Variants in SYAP1 observed in about 807,000 individuals in gnomAD.
SYAP1 encodes synapse-associated protein 1.
A neutral mutation model predicts 29.6 loss-of-function variants in SYAP1; 3 were observed. The observed-to-expected ratio is 0.10, with a 90% CI of 0.05 to 0.26. The LOEUF (loss-of-function observed/expected upper bound fraction) is 0.26. Ranked by LOEUF, SYAP1 falls within the 10% of genes least tolerant of loss-of-function variation. SYAP1 has a pLI of 1.00. For missense variants in SYAP1, 217 were observed against 264.1 expected (o/e 0.82, Z 1.24); for synonymous variants, 102 against 102.7 (o/e 0.99, Z 0.04).
At chrX:16,744,190 C>G (rs1020117253) in intron 5 of SYAP1, among the ~76,000 whole-genome samples, 15 of 112,732 alleles carry the variant, frequency 1.3e-4, no homozygotes, top group African/African-American at 4.5e-4. Context: ...GCTCTGCCCT[C>G]CAGTGGCAGT....
In SYAP1 at chrX:16,756,688, C is replaced by T. The variant is rs1926848432; in HGVS notation, c.750C>T (p.Pro250=). 9.9e-6 allele frequency: 12 copies of T among 1,211,260 alleles called. No individual in the cohort carries two copies. Among genetic ancestry groups the T allele is most frequent in the Non-Finnish European group, 1.3e-5 (12 of 895,067 alleles). The change falls in exon 7 of 9, where the codon CCC becomes CCT. Residue 250 remains proline (P), a synonymous_variant. Transcript: ENST00000380155. The part of the protein sequence containing the change: ...LAEAVRPKTP[P]VVIKSQLKTQ... ...AGGCAGTACGGCCCAAAACGCCACC[C>T]GTTGTAATCAAATCTCAGCTTAAAA...
intron 5 of SYAP1, 95 bp downstream of exon 5, chrX:16,743,935 G>A: frequency 2.0e-6 from 2 of 1,001,973 alleles, no homozygotes; most frequent in Non-Finnish European, 2.7e-6. Context: ...GTCTCTATCT[G>A]TTCATAAAAG....
intron 3 of SYAP1, among the ~76,000 whole-genome samples, chrX:16,737,018 C>A (rs893924108): frequency 1.8e-5 from 2 of 111,821 alleles, no homozygotes; most frequent in Non-Finnish European, 3.8e-5. Flanking sequence ...CTGACACATG[C>A]CTCTGAAGTT....
intron 5 of SYAP1, among the ~76,000 whole-genome samples, chrX:16,747,955 C>T (rs1430231803): frequency 9.1e-6 from 1 of 110,430 alleles, no homozygotes; most frequent in Non-Finnish European, 1.9e-5. Context: ...TGGTGGCGGG[C>T]GCCTGTAATC....
chrX:16,738,401 C>T (rs773673906), intron 3 of SYAP1, among the ~76,000 whole-genome samples: 2 of 111,541 alleles, frequency 1.8e-5, no homozygotes, highest in Non-Finnish European at 3.8e-5. Flanking sequence ...GGTGACAGAG[C>T]GAGACTCTGT....
intron 7 of SYAP1, 146 bp downstream of exon 7, chrX:16,756,867 C>T: frequency 1.6e-6 from 1 of 614,910 alleles, no homozygotes; most frequent in South Asian, 2.9e-5. Context: ...GGAACTAGGG[C>T]TGAGACTTGA....
At chrX:16,747,139 G>A (rs1569251365) in intron 5 of SYAP1, among the ~76,000 whole-genome samples, 1 of 110,932 alleles carries the variant, frequency 9.0e-6, no homozygotes, top group Non-Finnish European at 1.9e-5. Flanking sequence ...TTTAGAGATA[G>A]GGTCTTGCTG....
chrX:16,724,842 C>G (rs1569246901), intron 1 of SYAP1, among the ~76,000 whole-genome samples: 1 of 112,258 alleles, frequency 8.9e-6, no homozygotes. Flanking sequence ...CTTCACGGGA[C>G]TCTCAGCAAG....
chrX:16,727,330 C>T (rs1926101575), intron 1 of SYAP1, among the ~76,000 whole-genome samples: 1 of 96,639 alleles, frequency 1.0e-5, no homozygotes. Flanking sequence ...TAGAAGGAAT[C>T]TGAGATAAGA....
In SYAP1 at chrX:16,742,047, C is replaced by T. The variant is rs758836613; in HGVS notation, c.435+258C>T. On this transcript the variant is annotated intron_variant, in intron 4 of 8. Transcript: ENST00000380155. ...GTGGTGCAATTTTGGCTCACTGCAA[C>T]CTCCACCACCCGGGTTCAAATGATT... is the stretch of plus-strand genomic sequence containing the variant. Among the ~76,000 whole-genome samples the T allele has an allele frequency of 1.8e-4, 19 of 107,717 alleles. No homozygotes were observed. In the East Asian group the frequency reaches 3.5e-3, roughly 20 times the overall value. 93.5% of individuals were successfully genotyped at this position (107,717 alleles called of 115,157 possible). A position where few individuals can be genotyped will look rare whatever the true frequency, so the allele number is the denominator to read the frequency against.
intron 1 of SYAP1, among the ~76,000 whole-genome samples, chrX:16,734,937 T>C (rs1926291560): frequency 1.0e-5 from 1 of 97,582 alleles, no homozygotes; most frequent in South Asian, 5.0e-4. Flanking sequence ...AGGCAGAGCT[T>C]GCAGTGAGCT....
At chrX:16,723,556 TACC>T (rs1271777404) in intron 1 of SYAP1, among the ~76,000 whole-genome samples, 1 of 111,615 alleles carries the variant, frequency 9.0e-6, no homozygotes. Flanking sequence ...CTGTGCTCCC[TACC>T]CCTGGAAGTG....
intron 1 of SYAP1, among the ~76,000 whole-genome samples, chrX:16,735,018 A>C (rs5934325): frequency 0.28 from 26,469 of 92,957 alleles, 4,206 homozygotes; most frequent in Middle Eastern, 0.55. Context: ...AAAAAAAAAA[A>C]AAAACAAAAA....
intron 1 of SYAP1, among the ~76,000 whole-genome samples, chrX:16,730,920 A>G (rs1176656018): frequency 8.9e-6 from 1 of 112,611 alleles, no homozygotes; most frequent in Non-Finnish European, 1.9e-5. Context: ...AAATCAAACA[A>G]TGTTTAAGTC....
Position 16,746,180 on chromosome X carries a change from A to C in SYAP1, c.575+2340A>C, listed in dbSNP as rs1926601165. ...ATAAGAAAAGTATGTTTTATGGCAA[A>C]AAAAAAAAAAAAAAAAAATCTCATT... On this transcript the variant is annotated intron_variant, in intron 5 of 8. Coordinates refer to ENST00000380155, the MANE Select transcript of SYAP1 (RefSeq NM_032796.4). 3.2e-5 allele frequency among the ~76,000 whole-genome samples: 3 copies of C among 93,414 alleles called. No individual in the cohort carries two copies. In the South Asian group the frequency reaches 1.3e-3, roughly 39 times the overall value. 81.1% of individuals were successfully genotyped at this position (93,414 alleles called of 115,157 possible).
At chrX:16,727,800 G>A (rs1926114320) in intron 1 of SYAP1, among the ~76,000 whole-genome samples, 1 of 111,819 alleles carries the variant, frequency 8.9e-6, no homozygotes, top group Admixed American at 9.6e-5. Flanking sequence ...CAGAAACCCT[G>A]TACAGGGACT....
At chrX:16,758,352 C>CTT (rs758985802) in intron 8 of SYAP1, among the ~76,000 whole-genome samples, 1 of 102,164 alleles carries the variant, frequency 9.8e-6, no homozygotes, top group Non-Finnish European at 2.0e-5. Context: ...GCCCAACAGT[C>CTT]TTTTTTTTTT....
intron 1 of SYAP1, among the ~76,000 whole-genome samples, chrX:16,729,985 A>T (rs1033965396): frequency 1.8e-5 from 2 of 111,738 alleles, no homozygotes; most frequent in Non-Finnish European, 3.8e-5. Context: ...CCTCCTTATA[A>T]TCTTTTTACC....
At chrX:16,734,942 T>A (rs1345028695) in intron 1 of SYAP1, among the ~76,000 whole-genome samples, 1 of 94,270 alleles carries the variant, frequency 1.1e-5, no homozygotes, top group African/African-American at 4.2e-5. Flanking sequence ...GAGCTTGCAG[T>A]GAGCTGAGAT....
Sources: gnomAD v4.1 joint callset for allele counts (sites outside exome capture counted in the v4.1 genomes callset) on GRCh38, gnomAD v4.1.1 for gene constraint, MANE v1.5 for transcripts, NCBI Gene and HGNC (gene_info 2026-07-23, HGNC 2026-07-21) for gene names.